Variants in WDR46 observed in about 807,000 individuals in gnomAD.
WDR46 encodes WD repeat domain 46, also known as WD repeat-containing protein 46.
Under a neutral mutation model 74.7 loss-of-function variants are expected in WDR46, and 58 were observed. The observed-to-expected ratio is 0.78, with a 90% CI of 0.63 to 0.97. The LOEUF (loss-of-function observed/expected upper bound fraction) is 0.97. Ranked by LOEUF, WDR46 falls within the 50% of genes least tolerant of loss-of-function variation. WDR46 has a pLI of 0.00. For synonymous variants in WDR46, 278 were observed against 297.3 expected, an observed-to-expected ratio of 0.93 and a Z score of 0.67; for missense variants, 702 against 790.1, an observed-to-expected ratio of 0.89 and a Z score of 1.34.
In WDR46 at chr6:33,281,047, G is replaced by C. The variant is rs374694625; in HGVS notation, c.1116-60C>G. On this transcript the variant is annotated intron_variant, in intron 10 of 14. Coordinates refer to ENST00000374617, the MANE Select transcript of WDR46 (RefSeq NM_005452.6). ...TAAATGGGTTTACCAAGCAAGCTGT[G>C]GCCAAGTCCAGGCATCAAGTCTGGC... is the stretch of plus-strand genomic sequence containing the variant. 3.4e-5 allele frequency: 52 copies of C among 1,519,376 alleles called. No individual in the cohort carries two copies. In the African/African-American group the frequency reaches 6.5e-4, roughly 19 times the overall value. The allele number at this position is 1,519,376 out of a possible 1,614,324, so 94.1% of individuals were successfully genotyped here.
intron 10 of WDR46, among the ~76,000 whole-genome samples, chr6:33,285,428 C>T (rs1766533215): frequency 6.6e-6 from 1 of 151,848 alleles, no homozygotes; most frequent in South Asian, 2.1e-4. Context: ...TGGCTTGTTT[C>T]GAACTTCTGG....
chr6:33,287,990 T>C lies in WDR46; in HGVS notation c.598A>G (p.Arg200Gly). 1.9e-6 allele frequency: 3 copies of C among 1,614,196 alleles called. No homozygotes were observed. The highest frequency in any genetic ancestry group is 3.3e-4 in the Middle Eastern group (2 of 6,060). The change falls in exon 6 of 15, where the codon AGA (arginine) becomes GGA (glycine). Residue 200 changes from arginine to glycine, a missense_variant. By Grantham distance (125) the Arg-to-Gly change is moderately radical. Coordinates refer to ENST00000374617, the MANE Select transcript of WDR46 (RefSeq NM_005452.6). ...DLNLRQFGPY[R>G]LNYSRTGRHL... is the part of the protein sequence containing the mutation. ...CTTCCAGTTCGAGAGTAGTTTAGTCTGTAGGGTCCAAACTGCCGCAGATTC... is the reference window on the plus strand; with the variant it reads ...CTTCCAGTTCGAGAGTAGTTTAGTCCGTAGGGTCCAAACTGCCGCAGATTC...
At chr6:33,283,124 G>A (rs1766325923) in intron 10 of WDR46, among the ~76,000 whole-genome samples, 3 of 152,010 alleles carry the variant, frequency 2.0e-5, no homozygotes, top group Non-Finnish European at 2.9e-5. Context: ...CAGGAGAATC[G>A]CTTGAACCCA....
Position 33,279,324 on chromosome 6 carries a change from G to T in WDR46, c.1785C>A (p.Ala595=), listed in dbSNP as rs1765905310. ...LQQQHHKEAK[A]KPTGARPSAL... is the part of the protein sequence containing the mutation. ...CAGATGGCCGGGCCCCCGTGGGCTTGGCCTTCGCCTCCTTATGATGCTGCT... is the reference window on the plus strand; with the variant it reads ...CAGATGGCCGGGCCCCCGTGGGCTTTGCCTTCGCCTCCTTATGATGCTGCT... Residue 595 remains alanine, a synonymous_variant, in exon 15 of 15, where the codon GCC becomes GCA. Transcript: ENST00000374617. The T allele has an allele frequency of 2.5e-6, 4 of 1,614,114 alleles. No individual in the cohort carries two copies. The highest frequency in any genetic ancestry group is 1.3e-5 in the African/African-American group (1 of 74,952).
chr6:33,288,927 C>T lies in WDR46; in HGVS notation c.156G>A (p.Glu52=). ...PGPPRNKKNR[E]LRPQRPKNAY... The stretch of plus-strand genomic sequence containing the variant: ...CATTTTTTGGTCTCTGAGGACGGAG[C>T]TCCCGATTCTTCTTGTTACGAGGAG... The change falls in exon 2 of 15, where the codon GAG becomes GAA. Residue 52 remains glutamate (E), a synonymous_variant. Transcript: ENST00000374617. The T allele has an allele frequency of 1.9e-6, 3 of 1,614,156 alleles. No individual in the cohort carries two copies. Among genetic ancestry groups the T allele is most frequent in the Non-Finnish European group, 2.5e-6 (3 of 1,180,044 alleles).
rs748867634 is a variant in WDR46 at position 33,287,393 on chromosome 6, G to C, written c.841C>G (p.Leu281Val). The C allele has an allele frequency of 6.2e-7, 1 of 1,612,292 alleles. No individual in the cohort carries two copies. Among genetic ancestry groups the C allele is most frequent in the Non-Finnish European group, 8.5e-7 (1 of 1,179,798 alleles). The change falls in exon 8 of 15, where the codon CTT (leucine) becomes GTT (valine). Residue 281 changes from leucine to valine, a missense_variant. Coordinates refer to ENST00000374617, the MANE Select transcript of WDR46 (RefSeq NM_005452.6). ...CIRRCDRVTR[L>V]EFLPFHFLLA... ...AGGAAGTGGAAGGGCAGGAACTCAA[G>C]CCGTGTTACTCGGTCACAGCGGCGG...
intron 10 of WDR46, among the ~76,000 whole-genome samples, chr6:33,283,226 T>C (rs1253086134): frequency 6.6e-6 from 1 of 151,542 alleles, no homozygotes; most frequent in Non-Finnish European, 1.5e-5. Flanking sequence ...AAAGATACAA[T>C]TATGCAAAAA....
At chr6:33,280,034 ACT>A (rs72654499) in intron 12 of WDR46, among the ~76,000 whole-genome samples, 175 bp from the exon 13 acceptor site, 5,094 of 151,624 alleles carry the variant, frequency 0.034, 203 homozygotes, top group African/African-American at 0.094. Context: ...CAGGGGCCTC[ACT>A]CTCTGCAGCA....
In WDR46 at chr6:33,279,767, C is replaced by T. The variant is rs759888424; in HGVS notation, c.1617G>A (p.Arg539=). The change falls in exon 13 of 15, where the codon AGG becomes AGA. Residue 539 remains arginine, a synonymous_variant. Transcript: ENST00000374617. ...CATTCAGGGGCCTGCTCCATACCAG[C>T]CTCTCTATCTGCTCCTTCTTTCCCT... The part of the protein sequence containing the change: ...LEQGKKEQIE[R]LGYDPQAKAP... The T allele has an allele frequency of 6.2e-7, 1 of 1,614,056 alleles. No homozygotes were observed. The highest frequency in any genetic ancestry group is 1.1e-5 in the South Asian group (1 of 91,078).
chr6:33,287,628 C>A lies in WDR46; in HGVS notation c.714G>T (p.Ala238=). The stretch of plus-strand genomic sequence containing the variant: ...AGGCCACTGACCGGATGTCCCGCAC[C>A]GCCTCCATGACGTTGATCTCGCACA... ...KLMCEINVME[A]VRDIRFLHSE... Residue 238 remains alanine, a synonymous_variant, in exon 7 of 15, where the codon GCG becomes GCT. Transcript: ENST00000374617. The A allele has an allele frequency of 6.2e-7, 1 of 1,613,926 alleles. No individual in the cohort carries two copies. The highest frequency in any genetic ancestry group is 8.5e-7 in the Non-Finnish European group (1 of 1,180,006).
At chr6:33,282,868 G>T (rs113395096) in intron 10 of WDR46, among the ~76,000 whole-genome samples, 29 of 152,338 alleles carry the variant, frequency 1.9e-4, no homozygotes, top group Non-Finnish European at 3.4e-4. Context: ...AGCCAGGCTG[G>T]TATAAATATG....
chr6:33,286,339 C>T (rs1390588417), intron 10 of WDR46, among the ~76,000 whole-genome samples: 1 of 151,376 alleles, frequency 6.6e-6, no homozygotes, highest in African/African-American at 2.4e-5. Flanking sequence ...CCCAGATACT[C>T]GAGAGGCCAA....
chr6:33,286,930 A>G (rs1432921766), intron 9 of WDR46, 36 bp from the exon 10 acceptor site: 1 of 1,610,190 alleles, frequency 6.2e-7, no homozygotes, highest in East Asian at 2.2e-5. Flanking sequence ...GCTAATACAC[A>G]CCTAAGCCTG....
intron 10 of WDR46, 42 bp from the exon 11 acceptor site, chr6:33,281,029 G>T: frequency 1.3e-6 from 2 of 1,541,088 alleles, no homozygotes; most frequent in East Asian, 2.3e-5. Flanking sequence ...CAGTAAATGG[G>T]TTTACCAAGC....
In WDR46 at chr6:33,280,861, C is replaced by T. The variant is rs1562615494; in HGVS notation, c.1242G>A (p.Leu414=). 1.2e-6 allele frequency: 2 copies of T among 1,614,226 alleles called. No individual in the cohort carries two copies. Among genetic ancestry groups the T allele is most frequent in the African/African-American group, 1.3e-5 (1 of 75,066 alleles). Residue 414 remains leucine, a synonymous_variant, in exon 11 of 15, where the codon CTG becomes CTA. Coordinates refer to ENST00000374617, the MANE Select transcript of WDR46 (RefSeq NM_005452.6). ...CAACGTCACCCATTCCCGCCACCAG[C>T]AGTCCCCTCTGGGAGAAGGCCAGGT... ...AGHLAFSQRG[L]LVAGMGDVVN...
Position 33,279,631 on chromosome 6 carries a change from G to A in WDR46, c.1621-21C>T, listed in dbSNP as rs1173906274. The A allele has an allele frequency of 2.5e-6, 4 of 1,613,930 alleles. No homozygotes were observed. In the Admixed American group the frequency reaches 5.0e-5, roughly 20 times the overall value. On this transcript the variant is annotated intron_variant, in intron 13 of 14. Coordinates refer to ENST00000374617, the MANE Select transcript of WDR46 (RefSeq NM_005452.6). ...TAGCCCTGAGGGAGGGGACAGGAGT[G>A]ATATCTGTTACAGCCTCGGAGTCAG...
rs373564217 is a variant in WDR46 at position 33,287,347 on chromosome 6, C to T, written c.879+8G>A. On this transcript the variant is annotated splice_region_variant and intron_variant, in intron 8 of 14. Transcript: ENST00000374617. ...TCCAACCAGTTCCTGAGCTCCATGG[C>T]CACTCACAGCTGTAGCCAGGAGGAA... is the stretch of plus-strand genomic sequence containing the variant. 3.1e-5 allele frequency: 50 copies of T among 1,612,836 alleles called. No individual in the cohort carries two copies. The African/African-American group carries it at 5.1e-4, about 16-fold the overall frequency.
intron 12 of WDR46, among the ~76,000 whole-genome samples, chr6:33,280,118 G>A (rs1473742849): frequency 6.7e-6 from 1 of 149,556 alleles, no homozygotes; most frequent in Non-Finnish European, 1.5e-5. Context: ...CTCCAGGAGA[G>A]GGAATTTCAC....
At chr6:33,279,715 G>A in intron 13 of WDR46, 49 bp downstream of exon 13, 1 of 1,612,678 alleles carries the variant, frequency 6.2e-7, no homozygotes, top group Non-Finnish European at 8.5e-7. Flanking sequence ...GGTGGGGAGA[G>A]GATGTGGGGG....
Sources: gnomAD v4.1 joint callset for allele counts (sites outside exome capture counted in the v4.1 genomes callset) on GRCh38, gnomAD v4.1.1 for gene constraint, MANE v1.5 for transcripts, NCBI Gene and HGNC (gene_info 2026-07-23, HGNC 2026-07-21) for gene names.